Variants in SDHC observed in about 807,000 individuals in gnomAD.
The protein encoded by SDHC is succinate dehydrogenase complex subunit C, also known as succinate dehydrogenase cytochrome b560 subunit, mitochondrial.
Under a neutral mutation model 22.6 loss-of-function variants are expected in SDHC, and 11 were observed. The observed-to-expected ratio is 0.49, with a 90% CI of 0.31 to 0.81. SDHC has a LOEUF of 0.81. Among genes scored for constraint, SDHC ranks in the 30% least tolerant of loss-of-function variants. SDHC has a pLI of 0.05. For missense variants in SDHC, 160 were observed against 212.0 expected (o/e 0.75, Z 1.52); for synonymous variants, 80 against 77.8 (o/e 1.03, Z -0.15).
Position 161,362,522 on chromosome 1 carries a change from G to T in SDHC, c.*89G>T. ...CATTCTTATCTCCAGCCTGGGAAAA[G>T]TTCTCCTTATTTGTTTAGATCCTTT... On this transcript the variant is annotated 3_prime_UTR_variant, in exon 6 of 6. Transcript: ENST00000367975. 1.2e-6 allele frequency: 2 copies of T among 1,609,026 alleles called. No homozygotes were observed. The highest frequency in any genetic ancestry group is 1.7e-6 in the Non-Finnish European group (2 of 1,177,954).
intron 5 of SDHC, among the ~76,000 whole-genome samples, chr1:161,361,622 G>A (rs1229634785): frequency 4.6e-5 from 7 of 152,130 alleles, no homozygotes; most frequent in South Asian, 2.1e-4. Flanking sequence ...GGCAGATCAC[G>A]AGATCAGGAG....
At chr1:161,340,465 C>A (rs1435945517) in intron 3 of SDHC, 129 bp from the exon 4 acceptor site, 1 of 771,792 alleles carries the variant, frequency 1.3e-6, no homozygotes, top group African/African-American at 1.8e-5. Flanking sequence ...GAGCGAGACT[C>A]TGTCTCAAAA....
intron 1 of SDHC, among the ~76,000 whole-genome samples, chr1:161,323,325 T>G (rs934406952): frequency 3.9e-5 from 6 of 152,186 alleles, no homozygotes; most frequent in African/African-American, 1.4e-4. Flanking sequence ...AAAATCACTT[T>G]CTCTATTTCT....
chr1:161,318,138 C>T (rs1670696136), intron 1 of SDHC, among the ~76,000 whole-genome samples: 1 of 151,530 alleles, frequency 6.6e-6, no homozygotes, highest in Admixed American at 6.6e-5. Flanking sequence ...TGCCACTGCA[C>T]TGCAGCCTGG....
chr1:161,323,433 T>C (rs1670914343), intron 1 of SDHC, among the ~76,000 whole-genome samples, 181 bp from the exon 2 acceptor site: 1 of 152,258 alleles, frequency 6.6e-6, no homozygotes, highest in Non-Finnish European at 1.5e-5. Context: ...ATATTTCTTA[T>C]TATTTTCAAG....
At chr1:161,316,400 A>G (rs1399593971) in intron 1 of SDHC, among the ~76,000 whole-genome samples, 1 of 152,064 alleles carries the variant, frequency 6.6e-6, no homozygotes, top group African/African-American at 2.4e-5. Flanking sequence ...AGTGGTGACG[A>G]CTCTTAATGA....
At chr1:161,325,918 C>T (rs975318867) in intron 2 of SDHC, among the ~76,000 whole-genome samples, 2 of 151,924 alleles carry the variant, frequency 1.3e-5, no homozygotes, top group African/African-American at 2.4e-5. Flanking sequence ...GCAGAGTTAT[C>T]GGCCTGGCAC....
intron 3 of SDHC, among the ~76,000 whole-genome samples, chr1:161,333,592 C>T (rs888761228): frequency 2.6e-5 from 4 of 152,044 alleles, no homozygotes; most frequent in Non-Finnish European, 2.9e-5. Context: ...TTAATAGAGA[C>T]GGGGTTTCAC....
rs966308655 is a variant in SDHC at position 161,314,543 on chromosome 1, G to A, written c.20+118G>A. The A allele has an allele frequency of 3.1e-6, 4 of 1,285,004 alleles. No individual in the cohort carries two copies. The African/African-American group carries it at 4.4e-5, about 14-fold the overall frequency. 79.6% of individuals were successfully genotyped at this position (1,285,004 alleles called of 1,614,324 possible). A position where few individuals can be genotyped will look rare whatever the true frequency, so the allele number is the denominator to read the frequency against. ...CTGGGCAGGGAAAGGACCCATGGGT[G>A]TGGAGGCCAAGCGCTCGGGGATCCT... On this transcript the variant is annotated intron_variant, in intron 1 of 5. Coordinates refer to ENST00000367975, the MANE Select transcript of SDHC (RefSeq NM_003001.5).
intron 1 of SDHC, 160 bp downstream of exon 1, chr1:161,314,585 G>A: frequency 1.2e-6 from 1 of 811,688 alleles, no homozygotes; most frequent in Non-Finnish European, 2.0e-6. Flanking sequence ...CCCTTTTCCC[G>A]TCCCCCCCAG....
intron 2 of SDHC, 89 bp downstream of exon 2, chr1:161,323,759 G>A: frequency 2.1e-6 from 2 of 970,064 alleles, no homozygotes; most frequent in South Asian, 1.4e-5. Flanking sequence ...GCAATGGCGC[G>A]ATCTCGGCTC....
chr1:161,333,941 G>A (rs1558170507), intron 3 of SDHC, among the ~76,000 whole-genome samples: 1 of 152,076 alleles, frequency 6.6e-6, no homozygotes, highest in African/African-American at 2.4e-5. Flanking sequence ...TTGGGTATTC[G>A]TTACAGCTGC....
rs144644727 is a variant in SDHC, at chr1:161,317,303, C to T, written c.20+2878C>T. ...TCGGCCTCCCAAAGTGCTGAGATTA[C>T]AGGCATGAGCCACAACGCTTGGCCT... On this transcript the variant is annotated intron_variant, in intron 1 of 5. Transcript: ENST00000367975. Among the ~76,000 whole-genome samples, 1,113 of 152,092 alleles carry T rather than the reference C, an allele frequency of 7.3e-3. 16 individuals are homozygous for T. Among genetic ancestry groups the T allele is most frequent in the African/African-American group, 0.025 (1,058 of 41,526 alleles).
At chr1:161,354,638 A>T (rs1252641061) in intron 4 of SDHC, among the ~76,000 whole-genome samples, 21 of 103,674 alleles carry the variant, frequency 2.0e-4, no homozygotes, top group Admixed American at 3.8e-4. Flanking sequence ...TTTAATTCCC[A>T]TTTTACAGAT....
chr1:161,346,613 G>GT (rs1421118994), intron 4 of SDHC, among the ~76,000 whole-genome samples: 1 of 152,084 alleles, frequency 6.6e-6, no homozygotes, highest in Non-Finnish European at 1.5e-5. Context: ...GGTCAGGCTG[G>GT]TCTCGAACTC....
intron 4 of SDHC, among the ~76,000 whole-genome samples, chr1:161,356,342 C>T (rs891917638): frequency 1.3e-5 from 2 of 152,018 alleles, no homozygotes; most frequent in Non-Finnish European, 2.9e-5. Flanking sequence ...AGTTCGAGAC[C>T]AGCCTGGCCA....
intron 2 of SDHC, among the ~76,000 whole-genome samples, chr1:161,324,892 A>G (rs1670992900): frequency 6.6e-6 from 1 of 152,190 alleles, no homozygotes; most frequent in Non-Finnish European, 1.5e-5. Flanking sequence ...ATTTGTCCCA[A>G]ATAATATATT....
chr1:161,325,663 G>A (rs1241536651), intron 2 of SDHC, among the ~76,000 whole-genome samples: 1 of 152,134 alleles, frequency 6.6e-6, no homozygotes, highest in Non-Finnish European at 1.5e-5. Flanking sequence ...TTTCAACCTA[G>A]CCCAGTGACA....
At chr1:161,316,107 A>G (rs1455328364) in intron 1 of SDHC, among the ~76,000 whole-genome samples, 1 of 152,126 alleles carries the variant, frequency 6.6e-6, no homozygotes, top group African/African-American at 2.4e-5. Flanking sequence ...TGGAATATAC[A>G]ATCGGGTTTT....
Sources: allele counts gnomAD v4.1 joint callset (sites outside exome capture counted in the v4.1 genomes callset), GRCh38; gene constraint gnomAD v4.1.1; transcripts MANE v1.5; gene names NCBI Gene and HGNC (gene_info 2026-07-23, HGNC 2026-07-21).